Variants in CPA6 observed in about 807,000 individuals in gnomAD.
CPA6 encodes carboxypeptidase B.
CPA6 carries 58 observed loss-of-function variants against 63.3 expected under a neutral mutation model. The ratio of observed to expected loss-of-function variants is 0.92; its 90% CI spans 0.74 to 1.14. CPA6 has a LOEUF of 1.14. Among genes scored for constraint, CPA6 ranks in the 50% most tolerant of loss-of-function variants. The pLI is 0.00. For missense variants in CPA6, 565 were observed against 526.6 expected, an observed-to-expected ratio of 1.07 and a Z score of -0.71; for synonymous variants, 185 against 179.0, an observed-to-expected ratio of 1.03 and a Z score of -0.27.
At chr8:67,487,470 G>T (rs1811505460) in intron 6 of CPA6, among the ~76,000 whole-genome samples, 1 of 152,162 alleles carries the variant, frequency 6.6e-6, no homozygotes, top group African/African-American at 2.4e-5. Context: ...CATTTGGGTT[G>T]GTTCCAAGTC....
intron 2 of CPA6, among the ~76,000 whole-genome samples, chr8:67,559,681 C>T (rs918804531): frequency 6.6e-5 from 10 of 151,954 alleles, no homozygotes; most frequent in Admixed American, 6.6e-4. Flanking sequence ...TCTGTTTGTC[C>T]TTTTAAGGCT....
At chr8:67,455,444 A>T (rs910621251) in intron 8 of CPA6, among the ~76,000 whole-genome samples, 1 of 152,116 alleles carries the variant, frequency 6.6e-6, no homozygotes, top group Non-Finnish European at 1.5e-5. Flanking sequence ...AATAACTCTT[A>T]CTTTACTCTA....
At chr8:67,550,380 T>C (rs1292335147) in intron 2 of CPA6, among the ~76,000 whole-genome samples, 1 of 152,200 alleles carries the variant, frequency 6.6e-6, no homozygotes, top group African/African-American at 2.4e-5. Context: ...ATTTCATTCT[T>C]TTTTATGGTT....
In CPA6 at chr8:67,746,305, C is replaced by A. The variant is rs1818011593; in HGVS notation, c.-176G>T. 1 of 476,208 alleles carries A rather than the reference C, an allele frequency of 2.1e-6. No homozygotes were observed. The highest frequency in any genetic ancestry group is 1.9e-5 in the African/African-American group (1 of 51,850). The allele number at this position is 476,208 out of a possible 1,614,324, so 29.5% of individuals were successfully genotyped here. A position where few individuals can be genotyped will look rare whatever the true frequency, so the allele number is the denominator to read the frequency against. ...CTACAAGGGAAAAAAAAAGTTCAGG[C>A]AGCTGAGGAAGGGAAGTTGCTATTA... On this transcript the variant is annotated 5_prime_UTR_variant, in exon 1 of 11. Coordinates refer to ENST00000297770, the MANE Select transcript of CPA6 (RefSeq NM_020361.5).
intron 2 of CPA6, among the ~76,000 whole-genome samples, chr8:67,564,291 C>G (rs1327314645): frequency 6.6e-6 from 1 of 152,088 alleles, no homozygotes; most frequent in East Asian, 1.9e-4. Flanking sequence ...ATTTTTCTCT[C>G]TAGTCTCTGC....
chr8:67,671,658 A>G (rs1587689359), intron 1 of CPA6, among the ~76,000 whole-genome samples: 2 of 152,284 alleles, frequency 1.3e-5, no homozygotes, highest in East Asian at 3.9e-4. Context: ...AAGGCTTCTG[A>G]AAAATGCTTT....
intron 2 of CPA6, among the ~76,000 whole-genome samples, chr8:67,528,790 C>A (rs913228148): frequency 3.3e-5 from 5 of 151,964 alleles, no homozygotes; most frequent in African/African-American, 1.2e-4. Flanking sequence ...GCCACTTGTT[C>A]ATCCCACTTC....
intron 1 of CPA6, among the ~76,000 whole-genome samples, chr8:67,634,894 T>C (rs549037397): frequency 1.3e-5 from 2 of 151,464 alleles, no homozygotes; most frequent in East Asian, 3.9e-4. Context: ...AATATTCTTC[T>C]AGTTCTTTTT....
chr8:67,464,917 T>G (rs879262905), intron 8 of CPA6, among the ~76,000 whole-genome samples: 2 of 152,198 alleles, frequency 1.3e-5, no homozygotes, highest in Admixed American at 6.5e-5. Flanking sequence ...TGTAGCCTCA[T>G]AGTATAGTTT....
chr8:67,639,567 G>A (rs1005156573), intron 1 of CPA6, among the ~76,000 whole-genome samples: 1 of 151,610 alleles, frequency 6.6e-6, no homozygotes, highest in East Asian at 1.9e-4. Flanking sequence ...GGAACATGGT[G>A]TGGTGCCCGG....
At chr8:67,472,182 T>C (rs1811073189) in intron 8 of CPA6, among the ~76,000 whole-genome samples, 1 of 152,022 alleles carries the variant, frequency 6.6e-6, no homozygotes, top group South Asian at 2.1e-4. Flanking sequence ...CATGGGAGTG[T>C]TACCTGCTGA....
At chr8:67,565,510 T>G (rs1813316723) in intron 2 of CPA6, among the ~76,000 whole-genome samples, 1 of 152,170 alleles carries the variant, frequency 6.6e-6, no homozygotes, top group African/African-American at 2.4e-5. Context: ...CACCTTGCAC[T>G]GTCTGAGGTG....
chr8:67,590,506 A>G (rs1243839571), intron 2 of CPA6, among the ~76,000 whole-genome samples: 1 of 150,858 alleles, frequency 6.6e-6, no homozygotes, highest in African/African-American at 2.4e-5. Flanking sequence ...GGTCCCACCA[A>G]CAGTGTAAAA....
At chr8:67,586,254 C>T (rs987296239) in intron 2 of CPA6, among the ~76,000 whole-genome samples, 1 of 152,046 alleles carries the variant, frequency 6.6e-6, no homozygotes, top group African/African-American at 2.4e-5. Flanking sequence ...CTGTAACTGC[C>T]TAGCTTTAGG....
At chr8:67,487,879 T>C (rs1466074286) in intron 6 of CPA6, among the ~76,000 whole-genome samples, 1 of 152,252 alleles carries the variant, frequency 6.6e-6, no homozygotes, top group Non-Finnish European at 1.5e-5. Flanking sequence ...TCTGTTCATA[T>C]CCTTTGCCCA....
At chr8:67,576,257 G>T (rs1159566005) in intron 2 of CPA6, among the ~76,000 whole-genome samples, 1 of 152,008 alleles carries the variant, frequency 6.6e-6, no homozygotes, top group East Asian at 1.9e-4. Context: ...CCATTCCATT[G>T]TATTAAAAAA....
At chr8:67,731,872 G>A (rs142102935) in intron 1 of CPA6, among the ~76,000 whole-genome samples, 63 of 152,314 alleles carry the variant, frequency 4.1e-4, no homozygotes, top group African/African-American at 1.4e-3. Context: ...GAGGATGTTA[G>A]GCTCAAAATG....
chr8:67,458,278 C>A (rs1003947139), intron 8 of CPA6, among the ~76,000 whole-genome samples: 2 of 152,116 alleles, frequency 1.3e-5, no homozygotes, highest in Admixed American at 1.3e-4. Context: ...CTCACTGCAA[C>A]CTCCACCTCC....
chr8:67,441,000 A>G (rs781171107), intron 8 of CPA6, among the ~76,000 whole-genome samples: 2 of 152,178 alleles, frequency 1.3e-5, no homozygotes, highest in Non-Finnish European at 2.9e-5. Context: ...CTTTTTCCAA[A>G]TAAGGTCATA....
Sources: gnomAD v4.1 joint callset for allele counts (sites outside exome capture counted in the v4.1 genomes callset) on GRCh38, gnomAD v4.1.1 for gene constraint, MANE v1.5 for transcripts, NCBI Gene and HGNC (gene_info 2026-07-23, HGNC 2026-07-21) for gene names.